Variants in PRR15L observed in about 807,000 individuals in gnomAD.
The protein encoded by PRR15L is proline-rich protein 15-like protein.
A neutral mutation model predicts 3.7 loss-of-function variants in PRR15L; 1 was observed. That is an observed-to-expected ratio of 0.27 (90% CI 0.09 to 1.27). PRR15L has a LOEUF of 1.27. PRR15L is among the 50% of genes most tolerant of loss of function. The probability of loss-of-function intolerance (pLI) is 0.47; values close to 1 mark genes in which losing one functional copy is unlikely to be tolerated. For synonymous variants in PRR15L, 57 were observed against 51.9 expected (o/e 1.10, Z -0.42); for missense variants, 127 against 128.7 (o/e 0.99, Z 0.06).
At position 47,952,947 on chromosome 17, in the gene PRR15L, G is replaced by T. The variant is rs763815620; in HGVS notation, c.288C>A (p.His96Gln). The change falls in exon 2 of 2, where the codon CAC (histidine) becomes CAA (glutamine). Residue 96 changes from histidine (H) to glutamine (Q), a missense_variant. His to Gln is a conservative substitution (Grantham distance 24). Coordinates refer to ENST00000300557, the MANE Select transcript of PRR15L (RefSeq NM_024320.4). ...TTCACTTTGATGACCGTCCTTCCTC[G>T]TGATCATCAAAGAGGTTAGGGTTCT... ...LAENPNLFDDHEEGRSSK is the reference protein window; with the variant it reads ...LAENPNLFDDQEEGRSSK The T allele has an allele frequency of 1.9e-6, 3 of 1,613,612 alleles. No individual in the cohort carries two copies.
At chr17:47,953,734 T>G (rs1035495044) in intron 1 of PRR15L, among the ~76,000 whole-genome samples, 9 of 151,568 alleles carry the variant, frequency 5.9e-5, no homozygotes, top group African/African-American at 2.2e-4. Flanking sequence ...AAACCCAAGA[T>G]TCAGGTCAGT....
rs1393945082 is a variant in PRR15L at position 47,952,231 on chromosome 17, G to T, written c.*692C>A. On this transcript the variant is annotated 3_prime_UTR_variant, in exon 2 of 2. Coordinates refer to ENST00000300557, the MANE Select transcript of PRR15L (RefSeq NM_024320.4). ...CCACTCCCCCGATTTGGCCCGTGTAGCTTCCCTTTGAGGGTGTGTGACTTG... is the reference window on the plus strand; with the variant it reads ...CCACTCCCCCGATTTGGCCCGTGTATCTTCCCTTTGAGGGTGTGTGACTTG... The T allele has an allele frequency of 6.6e-6, 1 of 152,184 alleles. No homozygotes were observed. The highest frequency in any genetic ancestry group is 1.9e-4 in the East Asian group (1 of 5,204). The allele number at this position is 152,184 out of a possible 1,614,324, so 9.4% of individuals were successfully genotyped here. A position where few individuals can be genotyped will look rare whatever the true frequency, so the allele number is the denominator to read the frequency against.
chr17:47,953,290 A>C, intron 1 of PRR15L, 27 bp from the exon 2 acceptor site: 27 of 1,359,266 alleles, frequency 2.0e-5, no homozygotes, highest in Non-Finnish European at 2.6e-5. Context: ...GGGGAGACAA[A>C]GGGGTCAGTG....
chr17:47,957,313 T>C (rs990287844), intron 1 of PRR15L, among the ~76,000 whole-genome samples: 4 of 152,238 alleles, frequency 2.6e-5, no homozygotes, highest in Admixed American at 2.0e-4. Flanking sequence ...CCCATCCCTC[T>C]GCAGGGCCCC....
At chr17:47,956,746 T>G (rs1261288389) in intron 1 of PRR15L, among the ~76,000 whole-genome samples, 1 of 152,220 alleles carries the variant, frequency 6.6e-6, no homozygotes, top group Non-Finnish European at 1.5e-5. Context: ...TGATGTGATA[T>G]CCAAACTTCC....
chr17:47,955,764 G>A (rs939667126), intron 1 of PRR15L, among the ~76,000 whole-genome samples: 1 of 152,188 alleles, frequency 6.6e-6, no homozygotes, highest in African/African-American at 2.4e-5. Flanking sequence ...GGAGAGCAGA[G>A]AAGGAGGAAC....
chr17:47,955,532 C>T (rs550813237), intron 1 of PRR15L, among the ~76,000 whole-genome samples: 1 of 151,976 alleles, frequency 6.6e-6, no homozygotes, highest in South Asian at 2.1e-4. Flanking sequence ...TTTAGCTGGG[C>T]TCAAGTAGCA....
intron 1 of PRR15L, among the ~76,000 whole-genome samples, chr17:47,957,217 C>T (rs1306240524): frequency 6.6e-6 from 1 of 152,224 alleles, no homozygotes; most frequent in Non-Finnish European, 1.5e-5. Flanking sequence ...TAACCATTGA[C>T]TGGGGCAGAG....
chr17:47,953,529 C>T (rs771043236), intron 1 of PRR15L, among the ~76,000 whole-genome samples: 56 of 151,812 alleles, frequency 3.7e-4, no homozygotes, highest in Non-Finnish European at 6.8e-4. Context: ...CGTAGTGGCA[C>T]GCACCTGTAA....
intron 1 of PRR15L, among the ~76,000 whole-genome samples, chr17:47,954,468 G>A (rs1468259223): frequency 6.6e-6 from 1 of 152,226 alleles, no homozygotes; most frequent in Non-Finnish European, 1.5e-5. Flanking sequence ...AGAAGTACAG[G>A]GGAGACATGG....
rs967008603 is a variant in PRR15L, at chr17:47,953,584, G to A, written c.-29-321C>T. Among the ~76,000 whole-genome samples the A allele has an allele frequency of 3.3e-5, 5 of 151,708 alleles. No homozygotes were observed. The East Asian group carries it at 7.8e-4, about 24-fold the overall frequency. ...TGAGGCAGGAAAACCACTTGAACCCGGGAGGCAGAGGTTGCAGTGAGCTGA... is the reference window on the plus strand; with the variant it reads ...TGAGGCAGGAAAACCACTTGAACCCAGGAGGCAGAGGTTGCAGTGAGCTGA... On this transcript the variant is annotated intron_variant, in intron 1 of 1. Transcript: ENST00000300557.
intron 1 of PRR15L, among the ~76,000 whole-genome samples, chr17:47,955,276 T>C (rs1371076835): frequency 6.6e-6 from 1 of 152,108 alleles, no homozygotes; most frequent in African/African-American, 2.4e-5. Context: ...TTCTCTTCTC[T>C]AGTTTTCTGA....
chr17:47,953,274 A>C lies in PRR15L; in HGVS notation c.-29-11T>G. 3 of 1,291,884 alleles carry C rather than the reference A, an allele frequency of 2.3e-6. No homozygotes were observed. Among genetic ancestry groups the C allele is most frequent in the South Asian group, 1.5e-5 (1 of 67,194 alleles). The allele number at this position is 1,291,884 out of a possible 1,614,324, so 80.0% of individuals were successfully genotyped here. A position where few individuals can be genotyped will look rare whatever the true frequency, so the allele number is the denominator to read the frequency against. On this transcript the variant is annotated splice_polypyrimidine_tract_variant and intron_variant, in intron 1 of 1. Coordinates refer to ENST00000300557, the MANE Select transcript of PRR15L (RefSeq NM_024320.4). ...CAAGGATGGGGCTTTCTGCTGGAGCAGGGTGGGGGAGACAAAGGGGTCAGT... is the reference window on the plus strand; with the variant it reads ...CAAGGATGGGGCTTTCTGCTGGAGCCGGGTGGGGGAGACAAAGGGGTCAGT...
At chr17:47,957,168 G>T (rs1177572128) in intron 1 of PRR15L, among the ~76,000 whole-genome samples, 3 of 152,374 alleles carry the variant, frequency 2.0e-5, no homozygotes, top group Admixed American at 1.3e-4. Flanking sequence ...GAAGGGCTTT[G>T]CCCAGACTGA....
At chr17:47,955,781 C>T (rs985658864) in intron 1 of PRR15L, among the ~76,000 whole-genome samples, 4 of 152,168 alleles carry the variant, frequency 2.6e-5, no homozygotes, top group Non-Finnish European at 4.4e-5. Context: ...GAACAGGGCA[C>T]TTGCTTGGTC....
At chr17:47,953,521 T>C (rs1404933852) in intron 1 of PRR15L, among the ~76,000 whole-genome samples, 1 of 151,872 alleles carries the variant, frequency 6.6e-6, no homozygotes, top group Non-Finnish European at 1.5e-5. Flanking sequence ...TAGCTGGGCG[T>C]AGTGGCACGC....
At chr17:47,956,911 C>T (rs968273545) in intron 1 of PRR15L, among the ~76,000 whole-genome samples, 2 of 152,244 alleles carry the variant, frequency 1.3e-5, no homozygotes, top group African/African-American at 2.4e-5. Context: ...GCAGTTAGCT[C>T]GTGCAGGTTC....
chr17:47,956,713 TA>T (rs1179730633), intron 1 of PRR15L, among the ~76,000 whole-genome samples: 1 of 152,216 alleles, frequency 6.6e-6, no homozygotes, highest in Non-Finnish European at 1.5e-5. Context: ...TGATTTGCTT[TA>T]AAAACAAGCA....
chr17:47,955,866 G>C (rs2036123015), intron 1 of PRR15L, among the ~76,000 whole-genome samples: 2 of 152,216 alleles, frequency 1.3e-5, no homozygotes, highest in Admixed American at 1.3e-4. Flanking sequence ...GGCTGCCAAG[G>C]AACTTGGGGA....
Sources: allele counts gnomAD v4.1 joint callset (sites outside exome capture counted in the v4.1 genomes callset), GRCh38; gene constraint gnomAD v4.1.1; transcripts MANE v1.5; gene names NCBI Gene and HGNC (gene_info 2026-07-23, HGNC 2026-07-21).